The following ARHGAP28 variants were observed in gnomAD, a reference collection of about 807,000 sequenced individuals.
ARHGAP28 encodes Rho GTPase activating protein 28.
In ARHGAP28, 56 loss-of-function variants were observed where a neutral mutation model predicts 90.7. The observed-to-expected ratio is 0.62, with a 90% CI of 0.50 to 0.77. The LOEUF (loss-of-function observed/expected upper bound fraction) is 0.77. ARHGAP28 is among the 30% of genes least tolerant of loss of function. The probability of loss-of-function intolerance (pLI) is 0.00; values close to 1 mark genes in which losing one functional copy is unlikely to be tolerated. For synonymous variants in ARHGAP28, 308 were observed against 323.3 expected, an observed-to-expected ratio of 0.95 and a Z score of 0.51; for missense variants, 869 against 900.9, an observed-to-expected ratio of 0.96 and a Z score of 0.45.
At chr18:6,762,541 T>G (rs2056170150) in intron 1 of ARHGAP28, among the ~76,000 whole-genome samples, 1 of 152,188 alleles carries the variant, frequency 6.6e-6, no homozygotes, top group Admixed American at 6.5e-5. Context: ...CCTCCCCCAT[T>G]TTTATGAAAT....
At chr18:6,827,365 G>A (rs1459454155) in intron 2 of ARHGAP28, among the ~76,000 whole-genome samples, 4 of 147,606 alleles carry the variant, frequency 2.7e-5, no homozygotes, top group African/African-American at 7.6e-5. Flanking sequence ...TGGGCGGAGG[G>A]TTGACCCCCC....
chr18:6,889,488 G>A (rs2057247461), intron 12 of ARHGAP28, among the ~76,000 whole-genome samples: 1 of 152,172 alleles, frequency 6.6e-6, no homozygotes, highest in Non-Finnish European at 1.5e-5. Context: ...AATGCTTTAA[G>A]TTAAGGGTAT....
At chr18:6,826,993 C>G (rs1316817345) in intron 2 of ARHGAP28, among the ~76,000 whole-genome samples, 1 of 152,162 alleles carries the variant, frequency 6.6e-6, no homozygotes, top group Non-Finnish European at 1.5e-5. Context: ...TCAGAGAGCA[C>G]AGGGTTGGGG....
chr18:6,865,836 AG>A (rs1000699618), intron 5 of ARHGAP28, among the ~76,000 whole-genome samples: 1 of 152,178 alleles, frequency 6.6e-6, no homozygotes, highest in African/African-American at 2.4e-5. Flanking sequence ...CTTTCAGCAG[AG>A]GGAAAACACC....
chr18:6,732,136 G>A (rs1295519787), intron 1 of ARHGAP28, among the ~76,000 whole-genome samples: 1 of 151,464 alleles, frequency 6.6e-6, no homozygotes, highest in Non-Finnish European at 1.5e-5. Flanking sequence ...CAGTAAAATA[G>A]AATATAGTAT....
intron 1 of ARHGAP28, among the ~76,000 whole-genome samples, chr18:6,787,024 A>G (rs1373514449): frequency 1.3e-5 from 2 of 152,074 alleles, no homozygotes; most frequent in African/African-American, 2.4e-5. Flanking sequence ...GTTTGAGACC[A>G]GCCTGGCCAA....
At chr18:6,758,372 C>T (rs998316163) in intron 1 of ARHGAP28, among the ~76,000 whole-genome samples, 3 of 151,668 alleles carry the variant, frequency 2.0e-5, no homozygotes, top group Non-Finnish European at 2.9e-5. Flanking sequence ...GTCGCTCAGG[C>T]GAGTGCGGTG....
At chr18:6,841,186 T>TCTCTCTCTC (rs2056816558) in intron 3 of ARHGAP28, among the ~76,000 whole-genome samples, 4 of 57,794 alleles carry the variant, frequency 6.9e-5, no homozygotes, top group African/African-American at 2.7e-4. Context: ...CTCTCCTCTC[T>TCTCTCTCTC]CTCTCTCTCT....
intron 1 of ARHGAP28, among the ~76,000 whole-genome samples, chr18:6,773,028 CTGG>C (rs1261093655): frequency 2.0e-5 from 3 of 152,118 alleles, no homozygotes; most frequent in Non-Finnish European, 2.9e-5. Flanking sequence ...AAGGTTTTAT[CTGG>C]ACATAACTCC....
intron 16 of ARHGAP28, among the ~76,000 whole-genome samples, chr18:6,903,826 C>CAAAAAAAAA (rs35606759): frequency 1.2e-5 from 1 of 84,052 alleles, no homozygotes; most frequent in Non-Finnish European, 2.1e-5. Flanking sequence ...GACTCCATCT[C>CAAAAAAAAA]AAAAAAAAAA....
chr18:6,818,461 A>G (rs1567957451), intron 1 of ARHGAP28, among the ~76,000 whole-genome samples: 1 of 152,146 alleles, frequency 6.6e-6, no homozygotes, highest in Non-Finnish European at 1.5e-5. Context: ...TTTGCCACAC[A>G]CTGTGTTAAT....
chr18:6,883,953 G>A (rs2057199527), intron 11 of ARHGAP28, among the ~76,000 whole-genome samples: 2 of 152,044 alleles, frequency 1.3e-5, no homozygotes, highest in Admixed American at 6.6e-5. Context: ...TATTTTTTCA[G>A]TTCTAGAATT....
At chr18:6,777,854 G>T (rs2056297044) in intron 1 of ARHGAP28, among the ~76,000 whole-genome samples, 1 of 152,164 alleles carries the variant, frequency 6.6e-6, no homozygotes, top group African/African-American at 2.4e-5. Flanking sequence ...CAAGTAGAAA[G>T]ATATTGACAG....
chr18:6,775,537 A>G (rs918421831), intron 1 of ARHGAP28, among the ~76,000 whole-genome samples: 7 of 151,724 alleles, frequency 4.6e-5, no homozygotes, highest in African/African-American at 1.7e-4. Flanking sequence ...TTTTAGTTTT[A>G]CCTCCGATTT....
intron 1 of ARHGAP28, chr18:6,779,137 C>T (rs1182335067): frequency 1.3e-5 from 2 of 152,208 alleles, no homozygotes; most frequent in Non-Finnish European, 2.9e-5. Flanking sequence ...TACATAGACT[C>T]ATGCAGAGCC....
At chr18:6,780,003 G>C (rs1003518258) in intron 1 of ARHGAP28, among the ~76,000 whole-genome samples, 1 of 152,198 alleles carries the variant, frequency 6.6e-6, no homozygotes, top group Non-Finnish European at 1.5e-5. Context: ...GCAGCAAGAC[G>C]TTGGAAAGGA....
chr18:6,913,832 TTGG>T lies in ARHGAP28; in HGVS notation c.*1682_*1684del, dbSNP rs1243108156. The T allele has an allele frequency of 1.3e-5, 2 of 152,124 alleles. No individual in the cohort carries two copies. The highest frequency in any genetic ancestry group is 4.8e-5 in the African/African-American group (2 of 41,426). 9.4% of individuals were successfully genotyped at this position (152,124 alleles called of 1,614,324 possible). A position where few individuals can be genotyped will look rare whatever the true frequency, so the allele number is the denominator to read the frequency against. ...TTATTCATTTTTAATGTATGGGTAA[TTGG>T]TGGCACATGACTTTACATAATGACT... On this transcript the variant is annotated 3_prime_UTR_variant, in exon 18 of 18. Coordinates refer to ENST00000383472, the MANE Select transcript of ARHGAP28 (RefSeq NM_001366230.1).
At position 6,824,752 on chromosome 18, in the gene ARHGAP28, C is replaced by G. The variant is rs1194100003; in HGVS notation, c.123-10C>G. 2.6e-6 allele frequency: 4 copies of G among 1,529,480 alleles called. No individual in the cohort carries two copies. Among genetic ancestry groups the G allele is most frequent in the Non-Finnish European group, 2.6e-6 (3 of 1,144,652 alleles). 94.7% of individuals were successfully genotyped at this position (1,529,480 alleles called of 1,614,324 possible). ...CCCGTTTTTATTCATAGATATTATT[C>G]TTTCCTCAGAAAATCCATTCCTCGC... On this transcript the variant is annotated splice_polypyrimidine_tract_variant and intron_variant, in intron 1 of 17. Coordinates refer to ENST00000383472, the MANE Select transcript of ARHGAP28 (RefSeq NM_001366230.1).
chr18:6,835,192 G>A (rs934367369), intron 2 of ARHGAP28, among the ~76,000 whole-genome samples: 4 of 152,052 alleles, frequency 2.6e-5, no homozygotes, highest in African/African-American at 9.7e-5. Flanking sequence ...GTCCTACCAA[G>A]TACTCTTTCC....
Sources: gnomAD v4.1 joint callset for allele counts (sites outside exome capture counted in the v4.1 genomes callset) on GRCh38, gnomAD v4.1.1 for gene constraint, MANE v1.5 for transcripts, NCBI Gene and HGNC (gene_info 2026-07-23, HGNC 2026-07-21) for gene names.